Variants in LMTK2 observed in about 807,000 individuals in gnomAD.
LMTK2 encodes the protein lemur tail kinase 2.
A neutral mutation model predicts 127.5 loss-of-function variants in LMTK2; 37 were observed. The ratio of observed to expected loss-of-function variants is 0.29; its 90% confidence interval spans 0.22 to 0.38. The LOEUF (loss-of-function observed/expected upper bound fraction) is 0.38. Ranked by LOEUF, LMTK2 falls within the 10% of genes least tolerant of loss-of-function variation. The pLI, the probability that LMTK2 is intolerant of heterozygous loss-of-function variation, is 1.00. For synonymous variants in LMTK2, 819 were observed against 810.1 expected (o/e 1.01, Z -0.19); for missense variants, 1,694 against 1,920.3 (o/e 0.88, Z 2.20).
chr7:98,186,753 CT>C (rs1432721822), intron 8 of LMTK2, 123 bp from the exon 9 acceptor site: 13 of 837,992 alleles, frequency 1.6e-5, no homozygotes, highest in Admixed American at 3.0e-5. Context: ...TTCATGCCTG[CT>C]TTTTTTTCTG....
chr7:98,145,462 A>G (rs186650044), intron 3 of LMTK2, among the ~76,000 whole-genome samples: 212 of 152,268 alleles, frequency 1.4e-3, no homozygotes, highest in Non-Finnish European at 2.2e-3. Context: ...ACCTTTTTAA[A>G]AAATATTTTA....
intron 9 of LMTK2, among the ~76,000 whole-genome samples, chr7:98,188,387 CATA>C (rs1797472059): frequency 2.0e-5 from 3 of 152,262 alleles, no homozygotes; most frequent in South Asian, 4.1e-4. Context: ...AGGCATGTCT[CATA>C]ATGATGAATT....
intron 1 of LMTK2, among the ~76,000 whole-genome samples, chr7:98,111,442 C>T (rs1365768524): frequency 6.6e-6 from 1 of 152,184 alleles, no homozygotes; most frequent in African/African-American, 2.4e-5. Context: ...GAGTAAAATT[C>T]ATGAACCAAT....
intron 1 of LMTK2, among the ~76,000 whole-genome samples, chr7:98,132,141 A>G (rs1562899792): frequency 6.6e-6 from 1 of 152,164 alleles, no homozygotes; most frequent in Non-Finnish European, 1.5e-5. Flanking sequence ...AATCAGAACA[A>G]CCACAACGGA....
chr7:98,172,993 G>A (rs1017262869), intron 7 of LMTK2, among the ~76,000 whole-genome samples: 1 of 152,152 alleles, frequency 6.6e-6, no homozygotes, highest in Non-Finnish European at 1.5e-5. Flanking sequence ...TCTGACCTCA[G>A]ATGATCCGTC....
At chr7:98,125,551 C>T (rs574365939) in intron 1 of LMTK2, among the ~76,000 whole-genome samples, 36 of 152,140 alleles carry the variant, frequency 2.4e-4, no homozygotes, top group Non-Finnish European at 4.7e-4. Context: ...AGGGTGACTG[C>T]GCAGCCATTT....
At position 98,208,546 on chromosome 7, in the gene LMTK2, C is replaced by T. The variant is rs1163630110; in HGVS notation, c.*3054C>T. On this transcript the variant is annotated 3_prime_UTR_variant, in exon 14 of 14. Coordinates refer to ENST00000297293, the MANE Select transcript of LMTK2 (RefSeq NM_014916.4). ...TTTCTGGCCTTCTATGGGGTAGCAA[C>T]CCAGAATCAATCTGAATTAGTCCTG... is the stretch of plus-strand genomic sequence containing the variant. 1.3e-5 allele frequency: 2 copies of T among 152,172 alleles called. No homozygotes were observed. The highest frequency in any genetic ancestry group is 3.8e-4 in the East Asian group (2 of 5,196). The allele number at this position is 152,172 out of a possible 1,614,324, so 9.4% of individuals were successfully genotyped here.
In LMTK2 at chr7:98,159,322, C is replaced by G. The variant is rs1186573428; in HGVS notation, c.570-16C>G. 1 of 1,555,998 alleles carries G rather than the reference C, an allele frequency of 6.4e-7. No homozygotes were observed. Among genetic ancestry groups the G allele is most frequent in the Non-Finnish European group, 8.8e-7 (1 of 1,139,214 alleles). ...TGCTTCCTGATGAACAATATTATGG[C>G]TTTTATTTTTCCCAGCATTCTTCAG... On this transcript the variant is annotated splice_polypyrimidine_tract_variant and intron_variant, in intron 5 of 13. Coordinates refer to ENST00000297293, the MANE Select transcript of LMTK2 (RefSeq NM_014916.4).
At chr7:98,200,911 AACTCTCTG>A (rs1376361851) in intron 11 of LMTK2, among the ~76,000 whole-genome samples, 1 of 151,814 alleles carries the variant, frequency 6.6e-6, no homozygotes, top group Non-Finnish European at 1.5e-5. Flanking sequence ...GAGGATGTGG[AACTCTCTG>A]ATCTGGAGGG....
At chr7:98,168,157 G>T (rs1797130754) in intron 6 of LMTK2, among the ~76,000 whole-genome samples, 1 of 152,040 alleles carries the variant, frequency 6.6e-6, no homozygotes, top group Admixed American at 6.5e-5. Context: ...AAAGGAGAAA[G>T]AAGTGGAGGG....
intron 2 of LMTK2, among the ~76,000 whole-genome samples, chr7:98,137,787 G>T (rs1459900830): frequency 2.6e-5 from 4 of 152,222 alleles, no homozygotes; most frequent in South Asian, 4.1e-4. Context: ...GTGAGTTGAG[G>T]TTCTTGCTGA....
At chr7:98,202,524 CA>C (rs1348911901) in intron 11 of LMTK2, among the ~76,000 whole-genome samples, 3 of 152,128 alleles carry the variant, frequency 2.0e-5, no homozygotes, top group African/African-American at 7.2e-5. Context: ...CAGTCTGTGC[CA>C]TGTGTAAATG....
chr7:98,135,823 T>TTTTA (rs1796587338), intron 1 of LMTK2, among the ~76,000 whole-genome samples: 1 of 152,092 alleles, frequency 6.6e-6, no homozygotes, highest in African/African-American at 2.4e-5. Flanking sequence ...CGGTAAAATA[T>TTTTA]TTTAGGCATT....
intron 7 of LMTK2, among the ~76,000 whole-genome samples, chr7:98,174,926 G>A (rs1303043970): frequency 6.6e-6 from 1 of 152,148 alleles, no homozygotes; most frequent in Non-Finnish European, 1.5e-5. Context: ...GAGTGGAAAC[G>A]CATGTTCTCA....
At chr7:98,159,827 CCT>C (rs1417072097) in intron 6 of LMTK2, among the ~76,000 whole-genome samples, 2 of 152,252 alleles carry the variant, frequency 1.3e-5, no homozygotes, top group African/African-American at 4.8e-5. Context: ...ACTTTAACCC[CCT>C]GAGAGAGCCC....
intron 6 of LMTK2, among the ~76,000 whole-genome samples, chr7:98,164,753 A>G (rs931574429): frequency 2.6e-5 from 4 of 152,244 alleles, no homozygotes; most frequent in Admixed American, 1.3e-4. Flanking sequence ...TGGAAGGGGT[A>G]AGGACAGAGA....
chr7:98,194,012 G>A lies in LMTK2; in HGVS notation c.3547G>A (p.Ala1183Thr). 6.2e-7 allele frequency: 1 copy of A among 1,614,142 alleles called. No homozygotes were observed. Among genetic ancestry groups the A allele is most frequent in the Non-Finnish European group, 8.5e-7 (1 of 1,180,038 alleles). ...DLELRATPEP[A>T]QTGVPQQVHP... Reference sequence around the variant, plus strand: ...GGAATTAAGAGCCACGCCGGAGCCAGCACAGACTGGTGTTCCCCAGCAGGT... The same window carrying A: ...GGAATTAAGAGCCACGCCGGAGCCAACACAGACTGGTGTTCCCCAGCAGGT... Residue 1183 changes from alanine to threonine, a missense_variant, in exon 11 of 14, where the codon GCA (alanine) becomes ACA (threonine). By Grantham distance (58) the Ala-to-Thr change is moderately conservative. Transcript: ENST00000297293. The surrounding 1 kb of genome is among the most constrained non-coding windows in gnomAD (Gnocchi z 5.4).
intron 8 of LMTK2, among the ~76,000 whole-genome samples, chr7:98,186,221 G>A (rs1172155903): frequency 1.3e-5 from 2 of 151,922 alleles, no homozygotes; most frequent in African/African-American, 2.4e-5. Context: ...CCTCCACCAC[G>A]CCCAGCTAAT....
chr7:98,134,069 G>A (rs184701582), intron 1 of LMTK2, among the ~76,000 whole-genome samples: 16 of 152,322 alleles, frequency 1.1e-4, no homozygotes, highest in Admixed American at 9.1e-4. Flanking sequence ...GAGCAGTGGG[G>A]TTTCAAGGAA....
Sources: allele counts gnomAD v4.1 joint callset (sites outside exome capture counted in the v4.1 genomes callset), GRCh38; gene constraint gnomAD v4.1.1; non-coding constraint Gnocchi (gnomAD v3.1); transcripts MANE v1.5; gene names NCBI Gene and HGNC (gene_info 2026-07-23, HGNC 2026-07-21).